Variants in MYO1H observed in about 807,000 individuals in gnomAD.
The protein encoded by MYO1H is unconventional myosin-Ih.
In MYO1H, 118 loss-of-function variants were observed where a neutral mutation model predicts 149.3. That is an observed-to-expected ratio of 0.79 (90% CI 0.68 to 0.92). MYO1H has a LOEUF of 0.92. Among genes scored for constraint, MYO1H ranks in the 40% least tolerant of loss-of-function variants. The probability of loss-of-function intolerance (pLI) is 0.00; values close to 1 mark genes in which losing one functional copy is unlikely to be tolerated. For synonymous variants in MYO1H, 447 were observed against 465.2 expected (o/e 0.96, Z 0.50); for missense variants, 1,212 against 1,280.7 (o/e 0.95, Z 0.82).
chr12:109,348,953 T>C (rs1344187805), intron 1 of MYO1H, among the ~76,000 whole-genome samples: 2 of 152,234 alleles, frequency 1.3e-5, no homozygotes, highest in African/African-American at 4.8e-5. Flanking sequence ...TCTATAGCAC[T>C]GAATACTGTC....
chr12:109,418,070 C>T (rs533563608), intron 15 of MYO1H, among the ~76,000 whole-genome samples: 2 of 152,036 alleles, frequency 1.3e-5, no homozygotes, highest in Non-Finnish European at 2.9e-5. Context: ...CCCACCTCGG[C>T]CTCCCAAAGT....
At chr12:109,324,017 A>G in the MYO1H span, among the ~76,000 whole-genome samples, 2 of 151,196 alleles carry the variant, frequency 1.3e-5, no homozygotes, top group African/African-American at 4.9e-5. Context: ...ACTCAAGAAA[A>G]AAAAAAAAAA....
chr12:109,410,845 A>G, intron 13 of MYO1H, 77 bp downstream of exon 13: 1 of 1,057,382 alleles, frequency 9.5e-7, no homozygotes, highest in East Asian at 2.6e-5. Context: ...CCCAGGCTTA[A>G]AAAGGGTTGA....
intron 15 of MYO1H, among the ~76,000 whole-genome samples, chr12:109,417,529 G>A (rs1252677341): frequency 2.6e-5 from 4 of 151,886 alleles, no homozygotes; most frequent in Non-Finnish European, 5.9e-5. Flanking sequence ...GGGTTTCACC[G>A]TGTTAGCCAG....
chr12:109,416,378 G>GTTTTTTTTTTTTTTT (rs771334177), intron 15 of MYO1H, among the ~76,000 whole-genome samples: 1 of 135,404 alleles, frequency 7.4e-6, no homozygotes, highest in African/African-American at 2.8e-5. Context: ...TGTTGTTGTT[G>GTTTTTTTTTTTTTTT]GTTTTTTTTT....
chr12:109,409,181 G>T (rs1213393475), intron 10 of MYO1H, among the ~76,000 whole-genome samples: 1 of 147,702 alleles, frequency 6.8e-6, no homozygotes, highest in African/African-American at 2.6e-5. Context: ...CTGTCTATAG[G>T]TCCTTTTCTC....
At chr12:109,428,973 C>A (rs1871498831) in intron 19 of MYO1H, among the ~76,000 whole-genome samples, 1 of 152,128 alleles carries the variant, frequency 6.6e-6, no homozygotes, top group Admixed American at 6.5e-5. Flanking sequence ...CTTGGGGAGG[C>A]CAAGGTGGGC....
chr12:109,379,261 C>T (rs1423087023), intron 1 of MYO1H, among the ~76,000 whole-genome samples: 2 of 152,198 alleles, frequency 1.3e-5, no homozygotes, highest in Admixed American at 6.5e-5. Context: ...TCAGATTCAG[C>T]TCTGTAGGAT....
intron 22 of MYO1H, 111 bp downstream of exon 22, chr12:109,436,667 G>A (rs947598908): frequency 4.1e-5 from 29 of 713,972 alleles, no homozygotes; most frequent in Middle Eastern, 4.7e-4. Flanking sequence ...CTTGTGTGGT[G>A]CTATCTTGGG....
At position 109,442,997 on chromosome 12, in the gene MYO1H, G is replaced by GAAAA. The variant is rs35940183; in HGVS notation, c.2689-507_2689-504dup. ...AAATCCCCATCATGCAGAGAGCCAG[G>GAAAA]AAAAAAAAAAAAATATATATATATA... On this transcript the variant is annotated intron_variant, in intron 27 of 31. Coordinates refer to ENST00000310903, the Ensembl canonical transcript of MYO1H. 2.9e-3 allele frequency among the ~76,000 whole-genome samples: 195 copies of GAAAA among 67,798 alleles called. 12 individuals carry two copies. Among genetic ancestry groups the GAAAA allele is most frequent in the African/African-American group, 5.8e-3 (95 of 16,306 alleles). The allele number at this position is 67,798 out of a possible 152,430, so 44.5% of individuals were successfully genotyped here.
At chr12:109,399,094 C>G (rs1378138797) in intron 5 of MYO1H, among the ~76,000 whole-genome samples, 1 of 152,202 alleles carries the variant, frequency 6.6e-6, no homozygotes, top group Non-Finnish European at 1.5e-5. Context: ...TCAGGACAAA[C>G]TGGCTAAAGG....
the MYO1H span, among the ~76,000 whole-genome samples, chr12:109,333,038 C>T: frequency 1.3e-5 from 2 of 152,186 alleles, no homozygotes; most frequent in East Asian, 1.9e-4. Context: ...AATGTAAAAA[C>T]GCCGGGTGCC....
chr12:109,444,127 G>A (rs762319443), intron 28 of MYO1H, 86 bp from the exon 29 acceptor site: 124 of 994,380 alleles, frequency 1.2e-4, no homozygotes, highest in Admixed American at 1.2e-4. Flanking sequence ...GTGTGGTGTT[G>A]GGCAGCCCCT....
rs1231451868 is a variant in MYO1H, at chr12:109,435,219, C to T, written c.2140+106C>T. 7.3e-6 allele frequency: 5 copies of T among 685,686 alleles called. No individual in the cohort carries two copies. In the East Asian group the frequency reaches 8.4e-5, roughly 11 times the overall value. The allele number at this position is 685,686 out of a possible 1,614,324, so 42.5% of individuals were successfully genotyped here. A position where few individuals can be genotyped will look rare whatever the true frequency, so the allele number is the denominator to read the frequency against. On this transcript the variant is annotated intron_variant, in intron 21 of 31. Transcript: ENST00000310903. ...TGTTTGATATAGTGTTAGAAGCATT[C>T]GCTTTGGAAACTAGGAACGAGATAT...
chr12:109,442,795 C>CTTTTTTTTTTTTTTTT (rs747073389), intron 27 of MYO1H, among the ~76,000 whole-genome samples: 1 of 94,016 alleles, frequency 1.1e-5, no homozygotes, highest in Non-Finnish European at 2.2e-5. Context: ...AGTGTCTGCT[C>CTTTTTTTTTTTTTTTT]TTTTTTTTTT....
chr12:109,415,123 C>T (rs1870848467), intron 14 of MYO1H, among the ~76,000 whole-genome samples: 3 of 152,124 alleles, frequency 2.0e-5, no homozygotes, highest in Admixed American at 1.3e-4. Context: ...TGATTGAAGA[C>T]GTCTCTCTCT....
chr12:109,410,607 GTT>G, intron 12 of MYO1H, 79 bp from the exon 13 acceptor site: 1 of 842,226 alleles, frequency 1.2e-6, no homozygotes. Flanking sequence ...GAAAAAAGAT[GTT>G]TTAGAAAACC....
At chr12:109,387,947 A>G (rs1869432095) in intron 1 of MYO1H, among the ~76,000 whole-genome samples, 1 of 152,182 alleles carries the variant, frequency 6.6e-6, no homozygotes, top group African/African-American at 2.4e-5. Flanking sequence ...CCAGTGACCG[A>G]ACCAGCTCTG....
chr12:109,373,757 C>T (rs1869035752), intron 1 of MYO1H, among the ~76,000 whole-genome samples: 1 of 152,098 alleles, frequency 6.6e-6, no homozygotes, highest in African/African-American at 2.4e-5. Flanking sequence ...GAATAACAAA[C>T]ACTCATATGC....
Sources: allele counts gnomAD v4.1 joint callset (sites outside exome capture counted in the v4.1 genomes callset), GRCh38; gene constraint gnomAD v4.1.1; transcripts MANE v1.5; gene names NCBI Gene and HGNC (gene_info 2026-07-23, HGNC 2026-07-21).